ACOT11: variants seen among roughly 807,000 people sequenced by gnomAD.
The protein encoded by ACOT11 is acyl-coenzyme A thioesterase 11.
In ACOT11, 69 loss-of-function variants were observed where a neutral mutation model predicts 77.5. That is an observed-to-expected ratio of 0.89 (90% CI 0.73 to 1.09). The LOEUF (loss-of-function observed/expected upper bound fraction) is 1.09, where lower values mean the gene tolerates loss of function less well. ACOT11 is among the 50% of genes least tolerant of loss of function. ACOT11 has a pLI of 0.00. For missense variants in ACOT11, 766 were observed against 813.7 expected (o/e 0.94, Z 0.71); for synonymous variants, 279 against 313.0 (o/e 0.89, Z 1.15).
chr1:54,612,106 A>AG (rs1644124796), downstream of ACOT11, among the ~76,000 whole-genome samples: 1 of 68,008 alleles, frequency 1.5e-5, no homozygotes, highest in Non-Finnish European at 2.9e-5. Flanking sequence ...TATGGAAGGT[A>AG]GGGGGTATAG....
At position 54,603,975 on chromosome 1, in the gene ACOT11, C is replaced by T. The variant is rs767373190; in HGVS notation, c.1152+38C>T. The T allele has an allele frequency of 1.9e-6, 3 of 1,595,332 alleles. No homozygotes were observed. The African/African-American group carries it at 4.0e-5, about 21-fold the overall frequency. On this transcript the variant is annotated intron_variant, in intron 11 of 15. Transcript: ENST00000343744. ...GCTCCGAGAGGACAGTCTTCAGACCCACCGGGCCCCCACCCTTCCCTGCTT... is the reference window on the plus strand; with the variant it reads ...GCTCCGAGAGGACAGTCTTCAGACCTACCGGGCCCCCACCCTTCCCTGCTT...
intron 16 of ACOT11, among the ~76,000 whole-genome samples, chr1:54,634,281 T>G (rs570369674): frequency 6.6e-6 from 1 of 152,226 alleles, no homozygotes; most frequent in Admixed American, 6.5e-5. Flanking sequence ...ATAACTAAAT[T>G]TAAACCAATT....
intron 3 of ACOT11, among the ~76,000 whole-genome samples, chr1:54,589,723 G>A (rs1157291953): frequency 6.6e-6 from 1 of 152,134 alleles, no homozygotes; most frequent in East Asian, 1.9e-4. Flanking sequence ...CTAGCTTCAA[G>A]TGATCCTCCC....
intron 1 of ACOT11, among the ~76,000 whole-genome samples, chr1:54,564,811 G>A (rs1272255392): frequency 6.6e-6 from 1 of 152,156 alleles, no homozygotes; most frequent in African/African-American, 2.4e-5. Context: ...GGGTTGGGGC[G>A]GTGGGGGGTG....
intron 16 of ACOT11, chr1:54,634,598 G>C (rs1644320421): frequency 1.5e-6 from 1 of 685,936 alleles, no homozygotes; most frequent in Non-Finnish European, 2.7e-6. Context: ...ATTGAATCTA[G>C]CATTATTTGG....
chr1:54,595,520 TC>T lies in ACOT11; in HGVS notation c.607+833del, dbSNP rs1401685715. Among the ~76,000 whole-genome samples, 7 of 152,152 alleles carry T rather than the reference TC, an allele frequency of 4.6e-5. No individual in the cohort carries two copies. In the South Asian group the frequency reaches 1.5e-3, roughly 32 times the overall value. On this transcript the variant is annotated intron_variant, in intron 6 of 15. Transcript: ENST00000343744. ...TTTCTATCCCAGAATCCAGGTCGTCTCCCCAGAAGCATCTACTATTACCCAT... is the reference window on the plus strand; with the variant it reads ...TTTCTATCCCAGAATCCAGGTCGTCTCCCAGAAGCATCTACTATTACCCAT...
intron 16 of ACOT11, among the ~76,000 whole-genome samples, chr1:54,631,806 G>A (rs1004898562): frequency 5.9e-5 from 9 of 152,142 alleles, no homozygotes; most frequent in South Asian, 2.1e-4. Context: ...TTGCAGATTC[G>A]GCTGCTCAGG....
Position 54,610,320 on chromosome 1 carries a change from G to C in ACOT11, c.*1208G>C, listed in dbSNP as rs3820113. The C allele has an allele frequency of 1.9e-6, 3 of 1,549,322 alleles. No individual in the cohort carries two copies. In the African/African-American group the frequency reaches 4.1e-5, roughly 21 times the overall value. On this transcript the variant is annotated 3_prime_UTR_variant, in exon 16 of 16. Coordinates refer to ENST00000343744, the MANE Select transcript of ACOT11 (RefSeq NM_147161.4). ...GGTATGGTGTAAATAAACCTGTGTT[G>C]CCATGGCAACAGAGACCGGCGGTAC...
intron 3 of ACOT11, among the ~76,000 whole-genome samples, chr1:54,586,718 G>A (rs147095227): frequency 3.0e-4 from 45 of 152,262 alleles, no homozygotes; most frequent in African/African-American, 9.9e-4. Flanking sequence ...ACGGGTGTGA[G>A]CCACCACACC....
chr1:54,549,114 C>T (rs1652975708), intron 1 of ACOT11, among the ~76,000 whole-genome samples: 1 of 152,158 alleles, frequency 6.6e-6, no homozygotes, highest in Non-Finnish European at 1.5e-5. Context: ...TCCATCTGCA[C>T]AGCCACTGCA....
At chr1:54,577,951 C>G (rs1654172950) in intron 1 of ACOT11, among the ~76,000 whole-genome samples, 1 of 152,212 alleles carries the variant, frequency 6.6e-6, no homozygotes, top group Non-Finnish European at 1.5e-5. Context: ...TTCTCCCATT[C>G]TACATGTCCT....
rs1370420444 is a variant in ACOT11, at chr1:54,584,874, C to T, written c.241+12C>T. The T allele has an allele frequency of 6.2e-7, 1 of 1,606,812 alleles. No individual in the cohort carries two copies. Among genetic ancestry groups the T allele is most frequent in the Non-Finnish European group, 8.5e-7 (1 of 1,176,562 alleles). ...GGCTTGCCTGTCCGGTAAGGCTGCG[C>T]TCCCCATGGTTCCCTACCTGCCCCA... is the stretch of plus-strand genomic sequence containing the variant. On this transcript the variant is annotated intron_variant, in intron 2 of 15. Transcript: ENST00000343744. This position sits in a 1 kb window ranked among gnomAD's most constrained non-coding sequence, Gnocchi z 6.3.
chr1:54,574,356 T>A (rs1654028668), intron 1 of ACOT11, among the ~76,000 whole-genome samples: 1 of 152,058 alleles, frequency 6.6e-6, no homozygotes. Context: ...GTAGCAGATC[T>A]CCTAGGGAAC....
At chr1:54,597,157 T>A (rs1186467777) in intron 6 of ACOT11, 102 bp from the exon 7 acceptor site, 1 of 1,440,366 alleles carries the variant, frequency 6.9e-7, no homozygotes, top group African/African-American at 1.4e-5. Flanking sequence ...AGAACCTGAG[T>A]GGGGTAGAGT....
exon 17 of ACOT11, chr1:54,635,379 G>A (rs553220353): frequency 1.4e-4 from 41 of 296,884 alleles, no homozygotes; most frequent in South Asian, 9.1e-4. Flanking sequence ...GAACCATGGC[G>A]GTATAGTGGC....
At chr1:54,578,601 G>A (rs1354998218) in intron 1 of ACOT11, among the ~76,000 whole-genome samples, 1 of 152,144 alleles carries the variant, frequency 6.6e-6, no homozygotes, top group East Asian at 1.9e-4. Flanking sequence ...ATTCTGGGAT[G>A]CTTACCAGGG....
At chr1:54,624,702 T>G (rs1281736234) in intron 15 of ACOT11, among the ~76,000 whole-genome samples, 2 of 152,018 alleles carry the variant, frequency 1.3e-5, no homozygotes, top group East Asian at 3.9e-4. Context: ...GATGGAGCCC[T>G]GTAAGGACAG....
chr1:54,637,488 A>G (rs1263759785), exon 17 of ACOT11: 1 of 152,344 alleles, frequency 6.6e-6, no homozygotes. Context: ...GTCTCAAAAC[A>G]AAAAGAGTTT....
intron 15 of ACOT11, among the ~76,000 whole-genome samples, chr1:54,619,466 C>T (rs904962450): frequency 6.6e-6 from 1 of 152,112 alleles, no homozygotes; most frequent in African/African-American, 2.4e-5. Context: ...CATGGTAGTC[C>T]CAGGAGAACC....
Sources: gnomAD v4.1 joint callset for allele counts (sites outside exome capture counted in the v4.1 genomes callset) on GRCh38, gnomAD v4.1.1 for gene constraint, Gnocchi (gnomAD v3.1) non-coding constraint, MANE v1.5 for transcripts, NCBI Gene and HGNC (gene_info 2026-07-23, HGNC 2026-07-21) for gene names.